API5: variants seen among roughly 807,000 people sequenced by gnomAD.
API5 encodes the protein apoptosis inhibitor 5.
A neutral mutation model predicts 71.9 loss-of-function variants in API5; 6 were observed. The observed-to-expected ratio is 0.08, with a 90% CI of 0.05 to 0.16. The LOEUF is 0.16. Ranked by LOEUF, API5 falls within the 10% of genes least tolerant of loss-of-function variation. The pLI, the probability that API5 is intolerant of heterozygous loss-of-function variation, is 1.00. For synonymous variants in API5, 189 were observed against 221.3 expected, an observed-to-expected ratio of 0.85 and a Z score of 1.30; for missense variants, 332 against 612.8, an observed-to-expected ratio of 0.54 and a Z score of 4.84.
intron 13 of API5, among the ~76,000 whole-genome samples, chr11:43,338,155 T>C (rs1855496952): frequency 6.6e-6 from 1 of 152,206 alleles, no homozygotes; most frequent in African/African-American, 2.4e-5. Flanking sequence ...TCTGCAATTA[T>C]TTTACATTTG....
In API5 at chr11:43,342,242, C is replaced by T. The variant is rs1330792003; in HGVS notation, c.1493-186C>T. Among the ~76,000 whole-genome samples the T allele has an allele frequency of 2.6e-5, 4 of 152,154 alleles. No individual in the cohort carries two copies. The South Asian group carries it at 6.2e-4, about 24-fold the overall frequency. ...TGAATGTAGTCGGTACCTTGCCTTA[C>T]GTGCTTCAGTATATATGTTGTTCTT... is the stretch of plus-strand genomic sequence containing the variant. On this transcript the variant is annotated intron_variant, in intron 13 of 13. Coordinates refer to ENST00000531273, the MANE Select transcript of API5 (RefSeq NM_001142930.2).
intron 1 of API5, among the ~76,000 whole-genome samples, chr11:43,317,638 CA>C (rs1854716222): frequency 6.6e-6 from 1 of 152,118 alleles, no homozygotes; most frequent in Admixed American, 6.5e-5. Context: ...TAAGTAAATA[CA>C]GTGCAATTCT....
chr11:43,334,662 G>A (rs1855370120), intron 11 of API5, among the ~76,000 whole-genome samples: 1 of 152,006 alleles, frequency 6.6e-6, no homozygotes, highest in African/African-American at 2.4e-5. Flanking sequence ...TGAATTCCAG[G>A]TTATTTTAAC....
chr11:43,337,206 G>A (rs1329050391), intron 13 of API5, among the ~76,000 whole-genome samples: 2 of 151,926 alleles, frequency 1.3e-5, no homozygotes, highest in African/African-American at 4.8e-5. Context: ...CGCACTTATA[G>A]TCCCAGCTAC....
intron 2 of API5, among the ~76,000 whole-genome samples, chr11:43,320,426 T>A (rs1197164829): frequency 6.6e-6 from 1 of 152,054 alleles, no homozygotes; most frequent in Non-Finnish European, 1.5e-5. Context: ...TGATGGCTTC[T>A]CTGTGGTTTT....
Position 43,335,908 on chromosome 11 carries a change from C to A in API5, c.1406C>A (p.Ser469Tyr), listed in dbSNP as rs994088627. The change falls in exon 13 of 14, where the codon TCT becomes TAT. Residue 469 changes from serine to tyrosine, a missense_variant. By Grantham distance (144) the Ser-to-Tyr change is moderately radical. This residue lies in a region of API5 where 168 missense variants were observed against 343.9 expected (regional missense o/e 0.49). Coordinates refer to ENST00000531273, the MANE Select transcript of API5 (RefSeq NM_001142930.2). ...ACTTCAGGTTCACCACCCAAGAAAT[C>A]TTCAGCAGGACCAAAAAGAGATGCC... ...DTTSGSPPKK[S>Y]SAGPKRDARQ... The A allele has an allele frequency of 5.6e-6, 9 of 1,613,756 alleles. No homozygotes were observed. In the Middle Eastern group the frequency reaches 6.7e-4, roughly 119 times the overall value.
chr11:43,338,908 C>G (rs1190327687), intron 13 of API5, among the ~76,000 whole-genome samples: 1 of 152,066 alleles, frequency 6.6e-6, no homozygotes, highest in Admixed American at 6.5e-5. Flanking sequence ...ATAGATGGCT[C>G]TAAGTCTAAA....
intron 13 of API5, among the ~76,000 whole-genome samples, chr11:43,341,899 C>G (rs1391910102): frequency 2.6e-5 from 4 of 151,962 alleles, no homozygotes; most frequent in African/African-American, 9.7e-5. Flanking sequence ...TGGCTCACAC[C>G]TGTAGTCCCA....
chr11:43,324,439 G>GA (rs1590359966), intron 6 of API5, among the ~76,000 whole-genome samples: 1 of 152,122 alleles, frequency 6.6e-6, no homozygotes, highest in East Asian at 1.9e-4. Flanking sequence ...ACATTCATTT[G>GA]AAAAACACAA....
intron 1 of API5, among the ~76,000 whole-genome samples, chr11:43,317,346 C>T (rs1407414325): frequency 6.6e-6 from 1 of 151,906 alleles, no homozygotes; most frequent in Non-Finnish European, 1.5e-5. Flanking sequence ...TTATTGATTC[C>T]TCCCATTATG....
Position 43,318,953 on chromosome 11 carries a change from T to C in API5, c.231+152T>C. On this transcript the variant is annotated intron_variant, in intron 2 of 13. Transcript: ENST00000531273. ...TCACACCCAGGCTTAAATTTACATA[T>C]GATAAAGTGTATTAGCCTTTTTCAA... 3.0e-5 allele frequency: 20 copies of C among 674,342 alleles called. No homozygotes were observed. In the South Asian group the frequency reaches 3.6e-4, roughly 12 times the overall value. 41.8% of individuals were successfully genotyped at this position (674,342 alleles called of 1,614,324 possible).
rs1855074962 is a variant in API5 at position 43,326,396 on chromosome 11, A to G, written c.751-111A>G. ...GGGGTGTGCACTATATCGTATTTGT[A>G]GTCAGAATACTTGATGCTGTAGCGC... On this transcript the variant is annotated intron_variant, in intron 6 of 13. Transcript: ENST00000531273. The G allele has an allele frequency of 4.4e-6, 3 of 683,720 alleles. No individual in the cohort carries two copies. The South Asian group carries it at 5.6e-5, about 13-fold the overall frequency. The allele number at this position is 683,720 out of a possible 1,614,324, so 42.4% of individuals were successfully genotyped here.
chr11:43,330,412 C>G, intron 10 of API5, 96 bp from the exon 11 acceptor site: 1 of 906,988 alleles, frequency 1.1e-6, no homozygotes, highest in Non-Finnish European at 1.8e-6. Flanking sequence ...AGAGGTGATT[C>G]TGATAGAAGT....
At chr11:43,327,996 A>G in intron 8 of API5, 118 bp downstream of exon 8, 1 of 561,704 alleles carries the variant, frequency 1.8e-6, no homozygotes, top group East Asian at 3.2e-5. Context: ...AATAATCCTA[A>G]TAAGTATTGT....
Position 43,344,210 on chromosome 11 carries a change from A to T in API5, c.*1700A>T, listed in dbSNP as rs1293343254. On this transcript the variant is annotated 3_prime_UTR_variant, in exon 14 of 14. Transcript: ENST00000531273. ...GCCATTTCAAGTACAGAAATTATAG[A>T]GACTACAGCTAAATAAATTTGAACA... 1 of 152,696 alleles carries T rather than the reference A, an allele frequency of 6.5e-6. No homozygotes were observed. Among genetic ancestry groups the T allele is most frequent in the Non-Finnish European group, 1.5e-5 (1 of 68,044 alleles). 9.5% of individuals were successfully genotyped at this position (152,696 alleles called of 1,614,324 possible).
chr11:43,325,092 A>G (rs950235917), intron 6 of API5, among the ~76,000 whole-genome samples: 3 of 152,148 alleles, frequency 2.0e-5, no homozygotes, highest in Admixed American at 6.6e-5. Flanking sequence ...GTTCCTGGAA[A>G]ATGCATATTA....
Position 43,343,547 on chromosome 11 carries a change from G to A in API5, c.*1037G>A, listed in dbSNP as rs1013168382. ...ACAATTTGGAGATTTAATAACCAGGGCTACCCAGAAAAAGTGACTTGATAA... is the reference window on the plus strand; with the variant it reads ...ACAATTTGGAGATTTAATAACCAGGACTACCCAGAAAAAGTGACTTGATAA... On this transcript the variant is annotated 3_prime_UTR_variant, in exon 14 of 14. Coordinates refer to ENST00000531273, the MANE Select transcript of API5 (RefSeq NM_001142930.2). 1.3e-5 allele frequency: 2 copies of A among 152,550 alleles called. No homozygotes were observed. Among genetic ancestry groups the A allele is most frequent in the Admixed American group, 6.5e-5 (1 of 15,270 alleles). 9.4% of individuals were successfully genotyped at this position (152,550 alleles called of 1,614,324 possible). A position where few individuals can be genotyped will look rare whatever the true frequency, so the allele number is the denominator to read the frequency against.
At chr11:43,321,611 T>C (rs1048409872) in intron 4 of API5, 135 bp downstream of exon 4, 1 of 680,436 alleles carries the variant, frequency 1.5e-6, no homozygotes, top group African/African-American at 1.9e-5. Flanking sequence ...GTGAAAAAAG[T>C]CTCCTTAGGT....
At chr11:43,322,205 C>G (rs1262573440) in intron 5 of API5, 69 bp downstream of exon 5, 1 of 1,412,222 alleles carries the variant, frequency 7.1e-7, no homozygotes, top group East Asian at 2.4e-5. Context: ...TGGCAGTATT[C>G]GTCAATGTTA....
Sources: allele counts gnomAD v4.1 joint callset (sites outside exome capture counted in the v4.1 genomes callset), GRCh38; gene constraint gnomAD v4.1.1; regional missense constraint gnomAD v4.1.1; transcripts MANE v1.5; gene names NCBI Gene and HGNC (gene_info 2026-07-23, HGNC 2026-07-21).